EYS: variants seen among roughly 807,000 people sequenced by gnomAD.
The protein encoded by EYS is protein eyes shut homolog.
Under a neutral mutation model 282.1 loss-of-function variants are expected in EYS, and 250 were observed. The observed-to-expected ratio is 0.89, with a 90% CI of 0.80 to 0.98. The LOEUF (loss-of-function observed/expected upper bound fraction) is 0.98. EYS is among the 50% of genes least tolerant of loss of function. The pLI, the probability that EYS is intolerant of heterozygous loss-of-function variation, is 0.00. For missense variants in EYS, 4,016 were observed against 3,709.0 expected (o/e 1.08, Z -2.15); for synonymous variants, 1,355 against 1,282.9 (o/e 1.06, Z -1.20).
At chr6:64,197,486 T>A (rs1206746563) in intron 31 of EYS, among the ~76,000 whole-genome samples, 1 of 152,226 alleles carries the variant, frequency 6.6e-6, no homozygotes, top group Non-Finnish European at 1.5e-5. Context: ...TTTTGTGCTC[T>A]GTTTATCTCT....
intron 12 of EYS, among the ~76,000 whole-genome samples, chr6:65,163,822 G>T (rs1764906625): frequency 6.6e-6 from 1 of 151,176 alleles, no homozygotes; most frequent in African/African-American, 2.4e-5. Flanking sequence ...ACCCAGCCAG[G>T]CTCATTTGTT....
At chr6:64,884,915 GT>G (rs1446146485) in intron 19 of EYS, among the ~76,000 whole-genome samples, 1 of 151,552 alleles carries the variant, frequency 6.6e-6, no homozygotes, top group Non-Finnish European at 1.5e-5. Flanking sequence ...ATATTAGCAG[GT>G]TTTGATTGTT....
intron 31 of EYS, among the ~76,000 whole-genome samples, chr6:64,186,582 G>T (rs146881646): frequency 6.6e-6 from 1 of 151,924 alleles, no homozygotes; most frequent in Non-Finnish European, 1.5e-5. Context: ...AATATCACCA[G>T]GACTAAGACT....
intron 35 of EYS, among the ~76,000 whole-genome samples, chr6:63,867,267 T>C (rs1023433730): frequency 2.0e-5 from 3 of 152,192 alleles, no homozygotes; most frequent in Non-Finnish European, 4.4e-5. Flanking sequence ...TAATTAGCTT[T>C]GAGAGAATAT....
rs1290472958 is a variant in EYS, at chr6:65,659,051, C to T, written c.-447-19159G>A. On this transcript the variant is annotated intron_variant, in intron 1 of 42. Transcript: ENST00000503581. ...ATTCCACTCTTAGTTTATCTAGATC[C>T]TATTGTTTTTGTAGTTAATTTAAAT... Among the ~76,000 whole-genome samples the T allele has an allele frequency of 2.6e-5, 4 of 151,298 alleles. No individual in the cohort carries two copies. The East Asian group carries it at 7.7e-4, about 29-fold the overall frequency.
chr6:65,544,001 A>AGAGTGTGTGTGTGT (rs1554208982), intron 2 of EYS, among the ~76,000 whole-genome samples: 3 of 145,084 alleles, frequency 2.1e-5, no homozygotes, highest in South Asian at 4.5e-4. Context: ...AAAAAGAGAA[A>AGAGTGTGTGTGTGT]GTGTGTGTGT....
chr6:63,768,111 C>T (rs1238347916), intron 40 of EYS, among the ~76,000 whole-genome samples: 1 of 151,764 alleles, frequency 6.6e-6, no homozygotes, highest in Non-Finnish European at 1.5e-5. Flanking sequence ...AGATCTAAAC[C>T]TATAAAAACC....
At chr6:63,932,529 A>G (rs913757650) in intron 35 of EYS, among the ~76,000 whole-genome samples, 2 of 152,138 alleles carry the variant, frequency 1.3e-5, no homozygotes, top group Non-Finnish European at 2.9e-5. Flanking sequence ...CCTTCAGGGA[A>G]TTTTTTAGTC....
intron 36 of EYS, among the ~76,000 whole-genome samples, chr6:63,840,982 G>A (rs1771941472): frequency 1.3e-5 from 2 of 152,102 alleles, no homozygotes; most frequent in Admixed American, 6.6e-5. Context: ...TATTTCTCAA[G>A]ATTGCCTTGG....
chr6:63,848,063 G>T lies in EYS; in HGVS notation c.7228+16123C>A, dbSNP rs568394399. ...AGAGAAGGGAGTAAAAGTGGTTTCT[G>T]CTTGGTTTAGGCTGAAATGACCTTA... On this transcript the variant is annotated intron_variant, in intron 36 of 42. Transcript: ENST00000503581. 5.3e-5 allele frequency among the ~76,000 whole-genome samples: 8 copies of T among 152,134 alleles called. No homozygotes were observed. The South Asian group carries it at 1.7e-3, about 32-fold the overall frequency.
chr6:64,328,157 T>G (rs114031801), intron 29 of EYS, among the ~76,000 whole-genome samples: 1 of 152,348 alleles, frequency 6.6e-6, no homozygotes, highest in Non-Finnish European at 1.5e-5. Context: ...CTTATAGATC[T>G]AATGCAGTCC....
chr6:64,491,211 C>A (rs2150505946), intron 26 of EYS, among the ~76,000 whole-genome samples: 1 of 150,764 alleles, frequency 6.6e-6, no homozygotes, highest in East Asian at 1.9e-4. Context: ...AATGTTAAAC[C>A]TAAATTTAGA....
At chr6:65,569,106 A>T (rs1350746091) in intron 2 of EYS, among the ~76,000 whole-genome samples, 1 of 152,178 alleles carries the variant, frequency 6.6e-6, no homozygotes, top group Non-Finnish European at 1.5e-5. Flanking sequence ...AAAGAATGAC[A>T]AAAGAAGTGA....
chr6:64,304,872 G>C (rs894442976), intron 30 of EYS, among the ~76,000 whole-genome samples: 3 of 152,154 alleles, frequency 2.0e-5, no homozygotes, highest in African/African-American at 7.2e-5. Flanking sequence ...AGTGAAAGCA[G>C]TGGTAAGGGG....
intron 16 of EYS, among the ~76,000 whole-genome samples, chr6:64,903,853 T>C (rs1302584170): frequency 6.6e-6 from 1 of 152,162 alleles, no homozygotes; most frequent in Non-Finnish European, 1.5e-5. Context: ...ACAGGGAGCT[T>C]GGTGTTACAC....
intron 22 of EYS, among the ~76,000 whole-genome samples, chr6:64,641,991 C>T (rs1254412873): frequency 2.0e-5 from 3 of 152,138 alleles, no homozygotes; most frequent in Non-Finnish European, 2.9e-5. Flanking sequence ...AGGTTGGGGA[C>T]TGCTGGTGTA....
chr6:65,523,210 T>C (rs1396042846), intron 2 of EYS, among the ~76,000 whole-genome samples: 1 of 152,162 alleles, frequency 6.6e-6, no homozygotes, highest in Non-Finnish European at 1.5e-5. Flanking sequence ...ACCTACATTT[T>C]ACCATTCCAC....
chr6:65,172,097 C>A (rs1052549148), intron 12 of EYS, among the ~76,000 whole-genome samples: 2 of 151,142 alleles, frequency 1.3e-5, no homozygotes, highest in Non-Finnish European at 3.0e-5. Flanking sequence ...TAAGCAGGGT[C>A]TCCCTCTTAT....
At chr6:63,974,253 A>G (rs9294357) in intron 35 of EYS, among the ~76,000 whole-genome samples, 57,062 of 151,832 alleles carry the variant, frequency 0.38, 10,965 homozygotes, top group African/African-American at 0.45. Flanking sequence ...AATTCAATCT[A>G]TAAGTGGTCA....
Sources: gnomAD v4.1 joint callset for allele counts (sites outside exome capture counted in the v4.1 genomes callset) on GRCh38, gnomAD v4.1.1 for gene constraint, MANE v1.5 for transcripts, NCBI Gene and HGNC (gene_info 2026-07-23, HGNC 2026-07-21) for gene names.